Variants in HSDL2 observed in about 807,000 individuals in gnomAD.
The protein encoded by HSDL2 is hydroxysteroid dehydrogenase-like protein 2.
In HSDL2, 27 loss-of-function variants were observed where a neutral mutation model predicts 46.3. That is an observed-to-expected ratio of 0.58 (90% CI 0.43 to 0.80). The LOEUF (loss-of-function observed/expected upper bound fraction) is 0.80, where lower values mean the gene tolerates loss of function less well. Among genes scored for constraint, HSDL2 ranks in the 30% least tolerant of loss-of-function variants. The pLI is 0.00. For missense variants in HSDL2, 451 were observed against 502.7 expected (o/e 0.90, Z 0.98); for synonymous variants, 153 against 163.6 (o/e 0.94, Z 0.50).
intron 7 of HSDL2, among the ~76,000 whole-genome samples, chr9:112,440,510 T>C (rs1275503503): frequency 6.6e-6 from 1 of 152,164 alleles, no homozygotes; most frequent in Non-Finnish European, 1.5e-5. Flanking sequence ...AGTGTGCACA[T>C]GTCTTGGAGT....
intron 9 of HSDL2, among the ~76,000 whole-genome samples, chr9:112,455,801 A>T (rs1226365764): frequency 2.0e-5 from 3 of 152,164 alleles, no homozygotes; most frequent in East Asian, 1.9e-4. Context: ...GGTAATAGAA[A>T]CCTACAGACA....
At chr9:112,446,124 G>A (rs1205284757) in intron 8 of HSDL2, among the ~76,000 whole-genome samples, 2 of 140,104 alleles carry the variant, frequency 1.4e-5, no homozygotes, top group African/African-American at 5.4e-5. Context: ...TTTTTTTTCT[G>A]TTAATTCTTC....
At chr9:112,449,407 T>C (rs1316449462) in intron 8 of HSDL2, among the ~76,000 whole-genome samples, 1 of 152,102 alleles carries the variant, frequency 6.6e-6, no homozygotes, top group Non-Finnish European at 1.5e-5. Flanking sequence ...GTTTTAAAAA[T>C]TATTTTTCTT....
intron 7 of HSDL2, among the ~76,000 whole-genome samples, chr9:112,440,870 T>C (rs895520670): frequency 2.0e-5 from 3 of 152,014 alleles, no homozygotes; most frequent in Non-Finnish European, 4.4e-5. Flanking sequence ...TAGCCAGGCA[T>C]AGTGATGGGC....
In HSDL2 at chr9:112,449,643, T is replaced by C. The variant is rs13289111; in HGVS notation, c.866-4370T>C. Reference sequence around the variant, plus strand: ...CTTTGGGAGGCTGAGGCAGGCGGATTGTCTGAGCTCCGGTGTTCAAGACCA... The same window carrying C: ...CTTTGGGAGGCTGAGGCAGGCGGATCGTCTGAGCTCCGGTGTTCAAGACCA... On this transcript the variant is annotated intron_variant, in intron 8 of 10. Transcript: ENST00000398805. Among the ~76,000 whole-genome samples the C allele has an allele frequency of 8.7e-3, 1,315 of 152,022 alleles. 6 individuals are homozygous for C. The highest frequency in any genetic ancestry group is 0.014 in the South Asian group (66 of 4,810).
intron 4 of HSDL2, among the ~76,000 whole-genome samples, chr9:112,413,249 C>T (rs562898801): frequency 3.3e-5 from 5 of 151,888 alleles, no homozygotes; most frequent in Admixed American, 2.0e-4. Context: ...GAGGCCAAGG[C>T]GGGCAGATTA....
chr9:112,453,092 C>T (rs545327431), intron 8 of HSDL2, among the ~76,000 whole-genome samples: 2 of 152,246 alleles, frequency 1.3e-5, no homozygotes, highest in African/African-American at 4.8e-5. Flanking sequence ...CAGTTTTTTA[C>T]ATGATCTCTA....
At chr9:112,440,383 AAAACAGCAAG>A (rs1832615036) in intron 7 of HSDL2, among the ~76,000 whole-genome samples, 1 of 151,978 alleles carries the variant, frequency 6.6e-6, no homozygotes, top group African/African-American at 2.4e-5. Context: ...CAGCCTGGGC[AAAACAGCAAG>A]ACCCCATGTC....
chr9:112,421,381 T>C (rs1431439905), intron 6 of HSDL2, among the ~76,000 whole-genome samples: 1 of 152,062 alleles, frequency 6.6e-6, no homozygotes, highest in Non-Finnish European at 1.5e-5. Context: ...TATACTCACA[T>C]TGGAATTTAA....
At chr9:112,451,267 T>TATA (rs1251573267) in intron 8 of HSDL2, among the ~76,000 whole-genome samples, 2 of 152,212 alleles carry the variant, frequency 1.3e-5, no homozygotes, top group African/African-American at 4.8e-5. Context: ...TACCTTATAT[T>TATA]AATAGTAATG....
chr9:112,405,935 C>T (rs1831715987), intron 3 of HSDL2, among the ~76,000 whole-genome samples: 1 of 152,008 alleles, frequency 6.6e-6, no homozygotes, highest in East Asian at 1.9e-4. Flanking sequence ...CCGAGGCAGG[C>T]AGATCACTTG....
Position 112,405,729 on chromosome 9 carries a change from C to T in HSDL2, c.280+7C>T, listed in dbSNP as rs746679990. On this transcript the variant is annotated splice_region_variant and intron_variant, in intron 3 of 10. Transcript: ENST00000398805. ...GCCATCAAGAAATTTGGAGGTAATA[C>T]CTTCATTCTGAAAAAATTATTGGAT... The T allele has an allele frequency of 2.6e-6, 4 of 1,534,888 alleles. No individual in the cohort carries two copies. Among genetic ancestry groups the T allele is most frequent in the Non-Finnish European group, 3.6e-6 (4 of 1,118,138 alleles).
chr9:112,461,505 TTATAAA>T (rs756519097), intron 10 of HSDL2, among the ~76,000 whole-genome samples: 5 of 152,266 alleles, frequency 3.3e-5, no homozygotes, highest in Admixed American at 6.5e-5. Flanking sequence ...AATCGGAATC[TTATAAA>T]TATTTGTTTT....
At chr9:112,441,583 C>A (rs1169973397) in intron 7 of HSDL2, 116 bp from the exon 8 acceptor site, 2 of 615,648 alleles carry the variant, frequency 3.2e-6, no homozygotes, top group South Asian at 2.4e-5. Context: ...CTCACAGAGG[C>A]CTTTTCTTTT....
intron 5 of HSDL2, among the ~76,000 whole-genome samples, chr9:112,418,447 G>T (rs1325019103): frequency 6.6e-6 from 1 of 151,660 alleles, no homozygotes; most frequent in Non-Finnish European, 1.5e-5. Context: ...GCCAGGCTTG[G>T]TGGCACACAC....
At chr9:112,440,468 GT>G (rs1832616948) in intron 7 of HSDL2, among the ~76,000 whole-genome samples, 2 of 152,058 alleles carry the variant, frequency 1.3e-5, no homozygotes, top group Non-Finnish European at 2.9e-5. Flanking sequence ...CTGTACTACA[GT>G]TTTGAAGGCT....
Position 112,470,566 on chromosome 9 carries a change from C to T in HSDL2, c.*22C>T, listed in dbSNP as rs182022553. 3.7e-6 allele frequency: 5 copies of T among 1,338,102 alleles called. No homozygotes were observed. The highest frequency in any genetic ancestry group is 1.3e-5 in the South Asian group (1 of 77,476). 82.9% of individuals were successfully genotyped at this position (1,338,102 alleles called of 1,614,324 possible). A position where few individuals can be genotyped will look rare whatever the true frequency, so the allele number is the denominator to read the frequency against. On this transcript the variant is annotated 3_prime_UTR_variant, in exon 11 of 11. Transcript: ENST00000398805. Reference sequence around the variant, plus strand: ...GTGAAGGAAAATATAAAAAAAAAGTCGACTGCTATGCTCAAAAAGTAAAAA... The same window carrying T: ...GTGAAGGAAAATATAAAAAAAAAGTTGACTGCTATGCTCAAAAAGTAAAAA...
intron 10 of HSDL2, 97 bp downstream of exon 10, chr9:112,459,674 T>C (rs1833144032): frequency 4.6e-6 from 5 of 1,077,816 alleles, no homozygotes; most frequent in South Asian, 1.4e-5. Flanking sequence ...GACTTGTAAA[T>C]GTTGGCAGCA....
chr9:112,422,182 C>G (rs1832139156), intron 6 of HSDL2, among the ~76,000 whole-genome samples: 1 of 152,104 alleles, frequency 6.6e-6, no homozygotes, highest in Non-Finnish European at 1.5e-5. Context: ...TTTAAACTAT[C>G]CCGGGCGACA....
Sources: allele counts gnomAD v4.1 joint callset (sites outside exome capture counted in the v4.1 genomes callset), GRCh38; gene constraint gnomAD v4.1.1; transcripts MANE v1.5; gene names NCBI Gene and HGNC (gene_info 2026-07-23, HGNC 2026-07-21).